The following MACROD2 variants were observed in gnomAD, a reference collection of about 807,000 sequenced individuals.
MACROD2 encodes the protein mono-ADP ribosylhydrolase 2.
MACROD2 carries 36 observed loss-of-function variants against 70.4 expected under a neutral mutation model. That is an observed-to-expected ratio of 0.51 (90% CI 0.39 to 0.68). The LOEUF (loss-of-function observed/expected upper bound fraction) is 0.68. Among genes scored for constraint, MACROD2 ranks in the 30% least tolerant of loss-of-function variants. The probability of loss-of-function intolerance (pLI) is 0.00; values close to 1 mark genes in which losing one functional copy is unlikely to be tolerated. For synonymous variants in MACROD2, 172 were observed against 178.8 expected, an observed-to-expected ratio of 0.96 and a Z score of 0.30; for missense variants, 496 against 538.4, an observed-to-expected ratio of 0.92 and a Z score of 0.78.
At chr20:14,881,375 A>G (rs1232023421) in intron 5 of MACROD2, among the ~76,000 whole-genome samples, 1 of 151,498 alleles carries the variant, frequency 6.6e-6, no homozygotes, top group Non-Finnish European at 1.5e-5. Context: ...TAGGTCTAAG[A>G]GGCAAAATAA....
At chr20:15,734,754 AAC>A (rs992937872) in intron 8 of MACROD2, among the ~76,000 whole-genome samples, 3 of 152,174 alleles carry the variant, frequency 2.0e-5, no homozygotes, top group African/African-American at 7.2e-5. Context: ...TAATTGCACA[AAC>A]ACACATTTGC....
At chr20:14,613,323 A>G (rs1983284959) in intron 4 of MACROD2, among the ~76,000 whole-genome samples, 1 of 152,088 alleles carries the variant, frequency 6.6e-6, no homozygotes, top group Admixed American at 6.6e-5. Context: ...AACAAGATTT[A>G]TGGACTTGTT....
At chr20:15,376,771 G>A (rs563157495) in intron 6 of MACROD2, among the ~76,000 whole-genome samples, 36 of 152,286 alleles carry the variant, frequency 2.4e-4, no homozygotes, top group African/African-American at 7.5e-4. Context: ...CTAGTTCAAA[G>A]TCAGACAACT....
At chr20:14,056,210 T>C (rs1426343202) in intron 2 of MACROD2, among the ~76,000 whole-genome samples, 2 of 152,228 alleles carry the variant, frequency 1.3e-5, no homozygotes, top group African/African-American at 4.8e-5. Context: ...CAAACACTTA[T>C]GTATAGAATT....
chr20:14,128,863 T>G (rs1003328037), intron 3 of MACROD2, among the ~76,000 whole-genome samples: 1 of 152,186 alleles, frequency 6.6e-6, no homozygotes, highest in African/African-American at 2.4e-5. Context: ...TATCAATTTG[T>G]GGCATGGCTT....
At chr20:15,552,713 C>T (rs2048115868) in intron 8 of MACROD2, 1 of 152,186 alleles carries the variant, frequency 6.6e-6, no homozygotes, top group Non-Finnish European at 1.5e-5. Context: ...TTAATGCCTC[C>T]AAGGGCATCC....
Position 15,461,002 on chromosome 20 carries a change from A to ATTT in MACROD2, c.571+29568_571+29569insTTT, listed in dbSNP as rs199589127. Among the ~76,000 whole-genome samples the ATTT allele has an allele frequency of 9.1e-3, 458 of 50,246 alleles. 18 individuals are homozygous for ATTT. The highest frequency in any genetic ancestry group is 0.027 in the African/African-American group (381 of 13,888). The allele number at this position is 50,246 out of a possible 152,430, so 33.0% of individuals were successfully genotyped here. A position where few individuals can be genotyped will look rare whatever the true frequency, so the allele number is the denominator to read the frequency against. ...CATATATATATATATATATATATATATATATTTTTTTTTAATAGATGGGGT... is the reference window on the plus strand; with the variant it reads ...CATATATATATATATATATATATATATTTTATATTTTTTTTTAATAGATGGGGT... On this transcript the variant is annotated intron_variant, in intron 7 of 17. Coordinates refer to ENST00000684519, the MANE Select transcript of MACROD2 (RefSeq NM_001351661.2).
chr20:15,410,103 C>T (rs781533836), intron 6 of MACROD2, among the ~76,000 whole-genome samples: 10 of 152,152 alleles, frequency 6.6e-5, no homozygotes, highest in South Asian at 2.1e-4. Flanking sequence ...TTTGAGAATG[C>T]GTAGATATAC....
intron 6 of MACROD2, among the ~76,000 whole-genome samples, chr20:15,283,702 CAAAAAA>C (rs2077466912): frequency 6.6e-6 from 1 of 151,580 alleles, no homozygotes; most frequent in Admixed American, 6.6e-5. Context: ...CAAACAAAAA[CAAAAAA>C]GAAAAAGAAA....
intron 5 of MACROD2, among the ~76,000 whole-genome samples, chr20:14,756,202 T>C (rs1315107075): frequency 6.6e-6 from 1 of 152,126 alleles, no homozygotes; most frequent in Non-Finnish European, 1.5e-5. Context: ...CTAAATTATG[T>C]CAAGCTTTTT....
At chr20:16,030,461 GAGAA>G (rs1184638475) in intron 15 of MACROD2, among the ~76,000 whole-genome samples, 4 of 152,196 alleles carry the variant, frequency 2.6e-5, no homozygotes, top group Non-Finnish European at 2.9e-5. Context: ...AACCTTGACT[GAGAA>G]AGAGAGGGAA....
chr20:14,999,531 A>G (rs2074976584), intron 5 of MACROD2, among the ~76,000 whole-genome samples: 1 of 152,186 alleles, frequency 6.6e-6, no homozygotes, highest in Non-Finnish European at 1.5e-5. Flanking sequence ...CTGTGGTCCC[A>G]GCTACTCAGG....
At chr20:14,190,282 A>G (rs978312453) in intron 3 of MACROD2, among the ~76,000 whole-genome samples, 2 of 152,216 alleles carry the variant, frequency 1.3e-5, no homozygotes, top group African/African-American at 4.8e-5. Context: ...TGAGAAGCCC[A>G]GACACAACAT....
intron 3 of MACROD2, among the ~76,000 whole-genome samples, chr20:14,255,097 T>G (rs377251767): frequency 6.6e-6 from 1 of 152,158 alleles, no homozygotes; most frequent in African/African-American, 2.4e-5. Flanking sequence ...GAGTTTCTGC[T>G]GAGAGATCCG....
At chr20:15,688,651 G>A (rs948797021) in intron 8 of MACROD2, among the ~76,000 whole-genome samples, 1 of 152,176 alleles carries the variant, frequency 6.6e-6, no homozygotes, top group Non-Finnish European at 1.5e-5. Context: ...GGAAGAAAAT[G>A]AAAATGGCCT....
intron 5 of MACROD2, among the ~76,000 whole-genome samples, chr20:15,039,349 T>C (rs566673424): frequency 6.6e-6 from 1 of 152,290 alleles, no homozygotes; most frequent in Non-Finnish European, 1.5e-5. Flanking sequence ...TATGACCTGA[T>C]CTTAGGGGAG....
chr20:14,310,853 G>T (rs1177638057), intron 3 of MACROD2, among the ~76,000 whole-genome samples: 2 of 151,936 alleles, frequency 1.3e-5, no homozygotes, highest in Non-Finnish European at 2.9e-5. Context: ...AAAAGTAAAA[G>T]AAATGAGTTA....
At chr20:14,707,657 G>A (rs1210453384) in intron 5 of MACROD2, among the ~76,000 whole-genome samples, 1 of 152,092 alleles carries the variant, frequency 6.6e-6, no homozygotes, top group Non-Finnish European at 1.5e-5. Flanking sequence ...GACTCAGCAA[G>A]ATCATTTTTA....
At chr20:15,617,508 A>G (rs1231930626) in intron 8 of MACROD2, among the ~76,000 whole-genome samples, 1 of 152,236 alleles carries the variant, frequency 6.6e-6, no homozygotes, top group Non-Finnish European at 1.5e-5. Context: ...TTCAAAACAA[A>G]AGTAGAGATT....
Sources: allele counts gnomAD v4.1 joint callset (sites outside exome capture counted in the v4.1 genomes callset), GRCh38; gene constraint gnomAD v4.1.1; transcripts MANE v1.5; gene names NCBI Gene and HGNC (gene_info 2026-07-23, HGNC 2026-07-21).